The following SORCS3 variants were observed in gnomAD, a reference collection of about 807,000 sequenced individuals.
The protein encoded by SORCS3 is VPS10 domain-containing receptor SorCS3.
SORCS3 carries 57 observed loss-of-function variants against 146.3 expected under a neutral mutation model. The observed-to-expected ratio is 0.39, with a 90% confidence interval of 0.31 to 0.49. SORCS3 has a LOEUF of 0.49. Among genes scored for constraint, SORCS3 ranks in the 20% least tolerant of loss-of-function variants. The pLI, the probability that SORCS3 is intolerant of heterozygous loss-of-function variation, is 0.92. For missense variants in SORCS3, 1,341 were observed against 1,575.5 expected (o/e 0.85, Z 2.52); for synonymous variants, 653 against 618.5 (o/e 1.06, Z -0.83).
intron 13 of SORCS3, among the ~76,000 whole-genome samples, chr10:105,171,026 T>G (rs1366137145): frequency 6.6e-6 from 1 of 152,148 alleles, no homozygotes; most frequent in Non-Finnish European, 1.5e-5. Context: ...ACTGACATTG[T>G]TTTATATACA....
chr10:105,124,833 C>G (rs974436454), intron 7 of SORCS3, among the ~76,000 whole-genome samples: 14 of 152,110 alleles, frequency 9.2e-5, no homozygotes, highest in African/African-American at 3.4e-4. Context: ...AGACGTACAC[C>G]TTGTAATAAT....
chr10:104,730,791 C>T (rs1024188169), intron 1 of SORCS3, among the ~76,000 whole-genome samples: 38 of 152,294 alleles, frequency 2.5e-4, no homozygotes, highest in African/African-American at 8.9e-4. Context: ...GGGGGAATCC[C>T]CCTATAAAAC....
chr10:105,243,009 T>A (rs1247335765), intron 20 of SORCS3, among the ~76,000 whole-genome samples: 1 of 130,804 alleles, frequency 7.6e-6, no homozygotes, highest in Non-Finnish European at 1.6e-5. Context: ...ACATGTATTT[T>A]TATATATATT....
chr10:105,117,694 G>C (rs961528351), intron 7 of SORCS3, among the ~76,000 whole-genome samples: 1 of 152,170 alleles, frequency 6.6e-6, no homozygotes, highest in Non-Finnish European at 1.5e-5. Flanking sequence ...TTGAGCACTA[G>C]CTGTATTCAT....
At chr10:104,735,477 T>TTTTTTTTTTTTTA (rs1564671258) in intron 1 of SORCS3, among the ~76,000 whole-genome samples, 1 of 141,878 alleles carries the variant, frequency 7.0e-6, no homozygotes, top group Non-Finnish European at 1.5e-5. Context: ...TTTTTTTTTT[T>TTTTTTTTTTTTTA]AATCAATCCC....
At chr10:104,663,679 T>A (rs2015730931) in intron 1 of SORCS3, among the ~76,000 whole-genome samples, 4 of 152,164 alleles carry the variant, frequency 2.6e-5, no homozygotes. Flanking sequence ...TCAGAAATGT[T>A]TAATTAATTC....
chr10:104,712,316 C>T (rs1181766511), intron 1 of SORCS3, among the ~76,000 whole-genome samples: 2 of 152,200 alleles, frequency 1.3e-5, no homozygotes, highest in African/African-American at 4.8e-5. Flanking sequence ...CTTAACTCTT[C>T]CCCTTTCTGC....
intron 5 of SORCS3, among the ~76,000 whole-genome samples, chr10:105,066,676 C>T (rs1464966621): frequency 6.6e-6 from 1 of 152,180 alleles, no homozygotes; most frequent in Admixed American, 6.5e-5. Context: ...TTCCACTCTT[C>T]TTATTTGATT....
chr10:105,002,477 GGGT>G (rs2055068111), intron 4 of SORCS3, among the ~76,000 whole-genome samples: 1 of 152,178 alleles, frequency 6.6e-6, no homozygotes, highest in Non-Finnish European at 1.5e-5. Flanking sequence ...CACTGAGCCG[GGGT>G]ATAAGGGCCA....
intron 1 of SORCS3, among the ~76,000 whole-genome samples, chr10:104,705,523 T>C (rs2016326959): frequency 6.6e-6 from 1 of 152,248 alleles, no homozygotes; most frequent in Non-Finnish European, 1.5e-5. Flanking sequence ...GGTACTCATC[T>C]TCTGTTGATT....
intron 3 of SORCS3, among the ~76,000 whole-genome samples, chr10:104,948,587 T>G (rs1388550599): frequency 2.6e-5 from 4 of 152,224 alleles, no homozygotes; most frequent in Admixed American, 2.6e-4. Flanking sequence ...TCTGCCCTCA[T>G]GGCATTAACT....
chr10:104,972,611 G>A (rs1236593650), intron 3 of SORCS3, among the ~76,000 whole-genome samples: 1 of 151,944 alleles, frequency 6.6e-6, no homozygotes, highest in African/African-American at 2.4e-5. Context: ...GTGGCATGGA[G>A]AATGGGATGG....
intron 9 of SORCS3, among the ~76,000 whole-genome samples, chr10:105,148,256 G>A (rs2056145972): frequency 6.6e-6 from 1 of 152,046 alleles, no homozygotes; most frequent in Admixed American, 6.6e-5. Flanking sequence ...TATCAGTGGT[G>A]GGAATGAGAG....
intron 4 of SORCS3, among the ~76,000 whole-genome samples, 196 bp downstream of exon 4, chr10:104,977,689 A>G (rs544077967): frequency 2.0e-5 from 3 of 147,638 alleles, no homozygotes; most frequent in East Asian, 2.0e-4. Flanking sequence ...GTAGACAGGT[A>G]TATTTCACTT....
intron 1 of SORCS3, among the ~76,000 whole-genome samples, chr10:104,724,119 G>A (rs1470681467): frequency 1.3e-5 from 2 of 152,144 alleles, no homozygotes; most frequent in Non-Finnish European, 2.9e-5. Flanking sequence ...GGTACCGGTT[G>A]TTCCTTTCCA....
intron 20 of SORCS3, among the ~76,000 whole-genome samples, chr10:105,241,377 G>A (rs1411440654): frequency 6.6e-6 from 1 of 152,216 alleles, no homozygotes; most frequent in Admixed American, 6.5e-5. Context: ...GCAGCCCCAG[G>A]TGAGGGTGCT....
At chr10:105,218,313 G>A (rs149151219) in intron 19 of SORCS3, among the ~76,000 whole-genome samples, 494 of 152,286 alleles carry the variant, frequency 3.2e-3, no homozygotes, top group African/African-American at 0.011. Context: ...CTGCTACCTT[G>A]CCTCGTGGGG....
At chr10:105,223,626 C>A (rs572665290) in intron 20 of SORCS3, among the ~76,000 whole-genome samples, 1 of 152,320 alleles carries the variant, frequency 6.6e-6, no homozygotes, top group South Asian at 2.1e-4. Flanking sequence ...GTCTAGATAT[C>A]TAAATGTAGG....
intron 3 of SORCS3, among the ~76,000 whole-genome samples, chr10:104,947,777 C>T (rs1165681660): frequency 6.6e-6 from 1 of 152,098 alleles, no homozygotes; most frequent in African/African-American, 2.4e-5. Flanking sequence ...CACGTGGCAC[C>T]ATGCCTGGCT....
Sources: gnomAD v4.1 joint callset for allele counts (sites outside exome capture counted in the v4.1 genomes callset) on GRCh38, gnomAD v4.1.1 for gene constraint, MANE v1.5 for transcripts, NCBI Gene and HGNC (gene_info 2026-07-23, HGNC 2026-07-21) for gene names.